Variants in ANK3 observed in about 807,000 individuals in gnomAD.
ANK3 encodes the protein ankyrin 3.
Under a neutral mutation model 370.9 loss-of-function variants are expected in ANK3, and 57 were observed. That is an observed-to-expected ratio of 0.15 (90% CI 0.12 to 0.19). The LOEUF (loss-of-function observed/expected upper bound fraction) is 0.19, where lower values mean the gene tolerates loss of function less well. Ranked by LOEUF, ANK3 falls within the 10% of genes least tolerant of loss-of-function variation. The probability of loss-of-function intolerance (pLI) is 1.00; values close to 1 mark genes in which losing one functional copy is unlikely to be tolerated. For synonymous variants in ANK3, 1,929 were observed against 1,946.3 expected (o/e 0.99, Z 0.23); for missense variants, 4,439 against 5,302.1 (o/e 0.84, Z 5.06).
intron 11 of ANK3, 63 bp from the exon 12 acceptor site, chr10:60,203,163 C>A: frequency 9.0e-7 from 1 of 1,106,330 alleles, no homozygotes; most frequent in Non-Finnish European, 1.4e-6. Context: ...TGTCTGTGAG[C>A]CTGCCTGCCT....
At chr10:60,560,347 C>G (rs1463653373) in intron 2 of ANK3, among the ~76,000 whole-genome samples, 4 of 152,058 alleles carry the variant, frequency 2.6e-5, no homozygotes, top group Non-Finnish European at 4.4e-5. Context: ...ACAGTGAAAA[C>G]TTCTCAATTA....
intron 28 of ANK3, among the ~76,000 whole-genome samples, chr10:60,100,177 C>A (rs937504929): frequency 5.1e-5 from 7 of 137,480 alleles, no homozygotes; most frequent in African/African-American, 1.6e-4. Context: ...GGACATCATT[C>A]AATTGATTTA....
chr10:60,656,722 T>C (rs189602725), intron 1 of ANK3, among the ~76,000 whole-genome samples: 6,527 of 152,266 alleles, frequency 0.043, 178 homozygotes, highest in Middle Eastern at 0.075. Context: ...CATTGATATG[T>C]GGTATTTTTA....
Position 60,073,964 on chromosome 10 carries a change from T to C in ANK3, c.6917A>G (p.Lys2306Arg), listed in dbSNP as rs1160907136. ...CTGGGCTGAGGTTTCAGCAGCAGAC[T>C]TGTGAACATCTGGAGACACTGCCGA... is the stretch of plus-strand genomic sequence containing the variant. ...HKSAVSPDVH[K>R]SAAETSAQHA... The change falls in exon 37 of 44, where the codon AAG becomes AGG. Residue 2306 changes from lysine to arginine, a missense_variant. Around this residue, in one of 13 missense-constraint regions of ANK3, gnomAD observed 1,601 missense variants for 1,731.7 expected, o/e 0.92. Transcript: ENST00000280772. The C allele has an allele frequency of 2.5e-6, 4 of 1,614,060 alleles. No individual in the cohort carries two copies. Among genetic ancestry groups the C allele is most frequent in the Non-Finnish European group, 3.4e-6 (4 of 1,179,998 alleles).
chr10:60,282,156 G>C (rs1004095008), intron 1 of ANK3, among the ~76,000 whole-genome samples: 3 of 152,148 alleles, frequency 2.0e-5, no homozygotes, highest in Non-Finnish European at 4.4e-5. Context: ...GGGAACAAAT[G>C]ACATCAGTCT....
At chr10:60,203,762 C>T (rs1191973578) in intron 11 of ANK3, among the ~76,000 whole-genome samples, 1 of 152,034 alleles carries the variant, frequency 6.6e-6, no homozygotes, top group Admixed American at 6.5e-5. Flanking sequence ...TACATAGACC[C>T]CAGAATACTC....
At chr10:60,250,465 A>C (rs1164684283) in intron 7 of ANK3, among the ~76,000 whole-genome samples, 2 of 152,162 alleles carry the variant, frequency 1.3e-5, no homozygotes, top group Admixed American at 6.5e-5. Context: ...CCCAGGTTCA[A>C]GCAATTCTCC....
chr10:60,202,222 G>A (rs931935944), intron 12 of ANK3, among the ~76,000 whole-genome samples: 5 of 151,670 alleles, frequency 3.3e-5, no homozygotes, highest in Admixed American at 3.3e-4. Flanking sequence ...CCCAGGTTCA[G>A]GCAATTCTCC....
At chr10:60,100,234 G>GTTTTTTTTTTTTTTTTTGTTTTTTT (rs2090973309) in intron 28 of ANK3, among the ~76,000 whole-genome samples, 1 of 57,898 alleles carries the variant, frequency 1.7e-5, no homozygotes, top group Non-Finnish European at 2.8e-5. Flanking sequence ...TTTTGCTATG[G>GTTTTTTTTTTTTTTTTTGTTTTTTT]TTTTTTTTTT....
chr10:60,124,719 C>T (rs1055636626), intron 25 of ANK3, among the ~76,000 whole-genome samples: 2 of 152,172 alleles, frequency 1.3e-5, no homozygotes, highest in African/African-American at 4.8e-5. Flanking sequence ...ATTAGAGTGG[C>T]ACTATTGCCT....
At chr10:60,216,239 C>A (rs61847662) in intron 8 of ANK3, among the ~76,000 whole-genome samples, 126 of 152,254 alleles carry the variant, frequency 8.3e-4, no homozygotes, top group Non-Finnish European at 1.3e-3. Flanking sequence ...TCCTCTCTTC[C>A]TATTTGAATA....
chr10:60,540,723 C>T (rs747390300), intron 2 of ANK3, among the ~76,000 whole-genome samples: 4 of 151,882 alleles, frequency 2.6e-5, no homozygotes, highest in Non-Finnish European at 5.9e-5. Context: ...ATTATTGCAT[C>T]TTGGCATTTT....
intron 1 of ANK3, among the ~76,000 whole-genome samples, chr10:60,306,520 C>T (rs115454022): frequency 0.011 from 1,701 of 151,472 alleles, 14 homozygotes; most frequent in African/African-American, 0.022. Flanking sequence ...AATTGTGAAT[C>T]GTGCTGATAT....
At chr10:60,353,505 C>A (rs1369153189) in intron 1 of ANK3, among the ~76,000 whole-genome samples, 1 of 152,144 alleles carries the variant, frequency 6.6e-6, no homozygotes, top group Non-Finnish European at 1.5e-5. Context: ...GCCACACAAT[C>A]TTCCTTTTGT....
chr10:60,042,115 C>T (rs1352623354), intron 43 of ANK3, among the ~76,000 whole-genome samples: 2 of 152,192 alleles, frequency 1.3e-5, no homozygotes, highest in African/African-American at 4.8e-5. Context: ...ACAAAGCTCA[C>T]TTACTAAACA....
chr10:60,398,250 GTAAA>G (rs2063283281), intron 2 of ANK3, among the ~76,000 whole-genome samples: 1 of 152,192 alleles, frequency 6.6e-6, no homozygotes, highest in African/African-American at 2.4e-5. Context: ...CATTTAAAAT[GTAAA>G]TAACATTCTT....
intron 1 of ANK3, chr10:60,684,835 G>A (rs1483233109): frequency 1.3e-6 from 2 of 1,513,948 alleles, no homozygotes; most frequent in Non-Finnish European, 1.8e-6. Flanking sequence ...GATGGAAGAA[G>A]CCAAAACTGA....
At chr10:60,434,158 T>C (rs1037767996) in intron 2 of ANK3, among the ~76,000 whole-genome samples, 26 of 152,252 alleles carry the variant, frequency 1.7e-4, no homozygotes, top group African/African-American at 6.0e-4. Context: ...AAAAATGTGT[T>C]TGTGCTCTCA....
At chr10:60,263,424 G>A (rs746843818) in intron 6 of ANK3, among the ~76,000 whole-genome samples, 12 of 152,172 alleles carry the variant, frequency 7.9e-5, no homozygotes, top group East Asian at 7.7e-4. Flanking sequence ...CATGCTTTCC[G>A]CAGCTGATCT....
Sources: gnomAD v4.1 joint callset for allele counts (sites outside exome capture counted in the v4.1 genomes callset) on GRCh38, gnomAD v4.1.1 for gene constraint, gnomAD v4.1.1 regional missense constraint, MANE v1.5 for transcripts, NCBI Gene and HGNC (gene_info 2026-07-23, HGNC 2026-07-21) for gene names.